Variants in SIPA1L3 observed in about 807,000 individuals in gnomAD.
SIPA1L3 encodes signal induced proliferation associated 1 like 3.
SIPA1L3 carries 59 observed loss-of-function variants against 150.1 expected under a neutral mutation model. The observed-to-expected ratio is 0.39, with a 90% CI of 0.32 to 0.49. SIPA1L3 has a LOEUF of 0.49. Ranked by LOEUF, SIPA1L3 falls within the 20% of genes least tolerant of loss-of-function variation. The probability of loss-of-function intolerance (pLI) is 0.86; values close to 1 mark genes in which losing one functional copy is unlikely to be tolerated. For missense variants in SIPA1L3, 2,211 were observed against 2,489.5 expected, an observed-to-expected ratio of 0.89 and a Z score of 2.38; for synonymous variants, 1,070 against 1,077.6, an observed-to-expected ratio of 0.99 and a Z score of 0.14.
intron 3 of SIPA1L3, among the ~76,000 whole-genome samples, chr19:38,086,292 T>C (rs915740440): frequency 6.6e-6 from 1 of 152,160 alleles, no homozygotes; most frequent in Non-Finnish European, 1.5e-5. Context: ...AAATACTTAG[T>C]TCTTTGTTAG....
At chr19:37,997,210 T>C (rs1468315404) in intron 1 of SIPA1L3, among the ~76,000 whole-genome samples, 1 of 152,096 alleles carries the variant, frequency 6.6e-6, no homozygotes, top group East Asian at 1.9e-4. Flanking sequence ...AATACAATCT[T>C]CCCTGCCTCA....
intron 2 of SIPA1L3, among the ~76,000 whole-genome samples, chr19:38,062,864 G>T (rs372548556): frequency 6.6e-6 from 1 of 152,022 alleles, no homozygotes; most frequent in African/African-American, 2.4e-5. Context: ...CAGGTGATCC[G>T]CCTGCCGTGG....
At chr19:38,087,686 C>A (rs909364827) in intron 3 of SIPA1L3, 2 of 152,262 alleles carry the variant, frequency 1.3e-5, no homozygotes, top group African/African-American at 4.8e-5. Flanking sequence ...GGAGGTGTGT[C>A]CCATGCCTGG....
intron 1 of SIPA1L3, among the ~76,000 whole-genome samples, chr19:38,019,693 A>T (rs1418307725): frequency 6.6e-6 from 1 of 152,174 alleles, no homozygotes; most frequent in South Asian, 2.1e-4. Flanking sequence ...GAATCAGAGC[A>T]CGGACTTTCT....
At chr19:37,918,911 TAAATAAAC>T (rs879267114) in intron 1 of SIPA1L3, among the ~76,000 whole-genome samples, 6,322 of 149,566 alleles carry the variant, frequency 0.042, 280 homozygotes, top group African/African-American at 0.095. Context: ...AATAAATAAA[TAAATAAAC>T]AAACTGCTGC....
chr19:38,070,552 C>T (rs1039896996), intron 2 of SIPA1L3, among the ~76,000 whole-genome samples: 10 of 152,100 alleles, frequency 6.6e-5, no homozygotes, highest in Non-Finnish European at 1.0e-4. Flanking sequence ...GAATGGATTT[C>T]GAGTGTTTGG....
At chr19:38,144,626 C>T (rs924281926) in intron 12 of SIPA1L3, among the ~76,000 whole-genome samples, 1 of 152,230 alleles carries the variant, frequency 6.6e-6, no homozygotes, top group South Asian at 2.1e-4. Context: ...TGGAGAAACA[C>T]GCCCACTGTT....
chr19:38,052,911 A>G (rs1969230184), intron 2 of SIPA1L3, among the ~76,000 whole-genome samples: 1 of 152,210 alleles, frequency 6.6e-6, no homozygotes, highest in African/African-American at 2.4e-5. Context: ...ACCCTAAGGA[A>G]AGCCCTCCTG....
chr19:38,022,401 C>A (rs562954814), intron 1 of SIPA1L3, among the ~76,000 whole-genome samples: 1 of 152,166 alleles, frequency 6.6e-6, no homozygotes, highest in East Asian at 1.9e-4. Flanking sequence ...GCACTCCAGC[C>A]TGGGTGACAG....
At chr19:37,985,198 C>CTT (rs1043071375) in intron 1 of SIPA1L3, among the ~76,000 whole-genome samples, 12 of 141,280 alleles carry the variant, frequency 8.5e-5, no homozygotes, top group African/African-American at 2.6e-4. Context: ...TTGTTTTTTT[C>CTT]TTTTTTTTTT....
chr19:37,995,308 A>G (rs551245045), intron 1 of SIPA1L3, among the ~76,000 whole-genome samples: 3 of 152,232 alleles, frequency 2.0e-5, no homozygotes, highest in South Asian at 4.1e-4. Flanking sequence ...GGTGGGTGCT[A>G]TTACCACCCT....
Position 38,151,583 on chromosome 19 carries a change from GAGA to G in SIPA1L3, c.3534-1253_3534-1251del, listed in dbSNP as rs1175087638. On this transcript the variant is annotated intron_variant, in intron 12 of 21. Transcript: ENST00000222345. ...TGTCTCTGAACCAACCTCAGACAGG[GAGA>G]AGACCTTCTACCACAACCGGCTGTG... Among the ~76,000 whole-genome samples the G allele has an allele frequency of 5.3e-5, 8 of 152,244 alleles. No homozygotes were observed. In the East Asian group the frequency reaches 1.5e-3, roughly 29 times the overall value.
chr19:37,996,031 C>T (rs1967632484), intron 1 of SIPA1L3, among the ~76,000 whole-genome samples: 1 of 152,118 alleles, frequency 6.6e-6, no homozygotes, highest in African/African-American at 2.4e-5. Context: ...CTTCCCACCT[C>T]AGCCTCCAAA....
chr19:37,991,651 C>T (rs886787566), intron 1 of SIPA1L3, among the ~76,000 whole-genome samples: 8 of 152,236 alleles, frequency 5.3e-5, no homozygotes, highest in Non-Finnish European at 7.3e-5. Flanking sequence ...TCACTGTTCC[C>T]GGGAATGCAG....
In SIPA1L3 at chr19:38,150,353, G is replaced by T. The variant is rs542361467; in HGVS notation, c.3534-2487G>T. On this transcript the variant is annotated intron_variant, in intron 12 of 21. Coordinates refer to ENST00000222345, the MANE Select transcript of SIPA1L3 (RefSeq NM_015073.3). ...GCATTGAAGCCAGGGGATTAGGGCA[G>T]GGTCCCTGTAGAGACAGTCCTGGCT... is the stretch of plus-strand genomic sequence containing the variant. Among the ~76,000 whole-genome samples, 7 of 152,098 alleles carry T rather than the reference G, an allele frequency of 4.6e-5. No individual in the cohort carries two copies. In the East Asian group the frequency reaches 1.4e-3, roughly 30 times the overall value.
intron 2 of SIPA1L3, among the ~76,000 whole-genome samples, chr19:38,050,592 A>G (rs1344035381): frequency 6.6e-6 from 1 of 152,182 alleles, no homozygotes; most frequent in Non-Finnish European, 1.5e-5. Flanking sequence ...TTCACTTTCA[A>G]TGCACGTCAG....
At chr19:38,165,004 C>T (rs1972180076) in intron 15 of SIPA1L3, 98 bp downstream of exon 15, 1 of 1,104,290 alleles carries the variant, frequency 9.1e-7, no homozygotes, top group East Asian at 2.6e-5. Context: ...CAGAAACACA[C>T]TCACGGATGA....
intron 7 of SIPA1L3, chr19:38,109,997 G>A: frequency 1.9e-6 from 1 of 521,720 alleles, no homozygotes; most frequent in African/African-American, 1.9e-5. Context: ...GGGAACAGCG[G>A]TGCAGAGGCT....
At chr19:37,947,228 G>A (rs978664079) in intron 1 of SIPA1L3, among the ~76,000 whole-genome samples, 2 of 151,808 alleles carry the variant, frequency 1.3e-5, no homozygotes, top group Non-Finnish European at 2.9e-5. Flanking sequence ...GGCGGCCCAC[G>A]CCTGTAATCC....
Sources: gnomAD v4.1 joint callset for allele counts (sites outside exome capture counted in the v4.1 genomes callset) on GRCh38, gnomAD v4.1.1 for gene constraint, MANE v1.5 for transcripts, NCBI Gene and HGNC (gene_info 2026-07-23, HGNC 2026-07-21) for gene names.